The following ADAM28 variants were observed in gnomAD, a reference collection of about 807,000 sequenced individuals.
ADAM28 encodes the protein ADAM metallopeptidase domain 28, also known as disintegrin and metalloproteinase domain-containing protein 28.
ADAM28 carries 105 observed loss-of-function variants against 101.2 expected under a neutral mutation model. The observed-to-expected ratio is 1.04, with a 90% CI of 0.89 to 1.22. The LOEUF is 1.22. Among genes scored for constraint, ADAM28 ranks in the 50% most tolerant of loss-of-function variants. The pLI, the probability that ADAM28 is intolerant of heterozygous loss-of-function variation, is 0.00. For synonymous variants in ADAM28, 322 were observed against 310.6 expected (o/e 1.04, Z -0.39); for missense variants, 1,028 against 945.4 (o/e 1.09, Z -1.15).
At chr8:24,350,047 C>T in intron 19 of ADAM28, 75 bp downstream of exon 19, 1 of 1,258,256 alleles carries the variant, frequency 7.9e-7, no homozygotes, top group Non-Finnish European at 1.1e-6. Flanking sequence ...AATGTATAAC[C>T]TATCCTTTCA....
chr8:24,307,399 C>A (rs1169030935), intron 2 of ADAM28, among the ~76,000 whole-genome samples: 1 of 152,202 alleles, frequency 6.6e-6, no homozygotes, highest in Non-Finnish European at 1.5e-5. Context: ...GTGACGTCAT[C>A]TTTCTGACTT....
chr8:24,330,582 C>T (rs1465934323), intron 11 of ADAM28, among the ~76,000 whole-genome samples: 3 of 152,126 alleles, frequency 2.0e-5, no homozygotes, highest in Non-Finnish European at 2.9e-5. Flanking sequence ...ATATTCATGT[C>T]CTCTTTTCTA....
intron 2 of ADAM28, 36 bp from the exon 3 acceptor site, chr8:24,309,856 GTT>G: frequency 7.2e-7 from 1 of 1,386,826 alleles, no homozygotes; most frequent in South Asian, 1.2e-5. Flanking sequence ...AAATGAATAT[GTT>G]TTTAATTACA....
intron 5 of ADAM28, among the ~76,000 whole-genome samples, chr8:24,311,773 T>C (rs577502190): frequency 1.3e-5 from 2 of 152,258 alleles, no homozygotes; most frequent in East Asian, 3.9e-4. Context: ...GGAGTCTTGC[T>C]CTGTCACCAG....
At chr8:24,296,230 C>T (rs981921869) in intron 1 of ADAM28, 6 of 152,126 alleles carry the variant, frequency 3.9e-5, no homozygotes, top group Admixed American at 2.6e-4. Flanking sequence ...TCTTCCTTGC[C>T]TTTATAAGGT....
At chr8:24,327,073 G>A (rs1184311432) in intron 10 of ADAM28, among the ~76,000 whole-genome samples, 1 of 152,012 alleles carries the variant, frequency 6.6e-6, no homozygotes, top group Non-Finnish European at 1.5e-5. Context: ...AAGAAATAAA[G>A]CGTATTCAAA....
chr8:24,349,415 A>G (rs1404483059), intron 18 of ADAM28, among the ~76,000 whole-genome samples: 2 of 152,136 alleles, frequency 1.3e-5, no homozygotes, highest in African/African-American at 4.8e-5. Flanking sequence ...ACACTCGATT[A>G]TTTGTCTTCT....
At chr8:24,295,514 T>C (rs1218184640) in intron 1 of ADAM28, among the ~76,000 whole-genome samples, 1 of 152,174 alleles carries the variant, frequency 6.6e-6, no homozygotes, top group African/African-American at 2.4e-5. Flanking sequence ...CAAGAGCTTT[T>C]CCAGAACCCC....
chr8:24,359,011 T>G lies in ADAM28; in HGVS notation c.*4607T>G, dbSNP rs1816849299. On this transcript the variant is annotated 3_prime_UTR_variant, in exon 23 of 23. Transcript: ENST00000265769. ...CAAATCACAAATATAAAATACTTATTTAATTTTCTTCTGTAAAAAGATGTA... is the reference window on the plus strand; with the variant it reads ...CAAATCACAAATATAAAATACTTATGTAATTTTCTTCTGTAAAAAGATGTA... 1 of 152,156 alleles carries G rather than the reference T, an allele frequency of 6.6e-6. No homozygotes were observed. The highest frequency in any genetic ancestry group is 2.1e-4 in the South Asian group (1 of 4,822). The allele number at this position is 152,156 out of a possible 1,614,324, so 9.4% of individuals were successfully genotyped here. A position where few individuals can be genotyped will look rare whatever the true frequency, so the allele number is the denominator to read the frequency against.
At chr8:24,329,051 A>G (rs1027930750) in intron 10 of ADAM28, among the ~76,000 whole-genome samples, 12 of 152,060 alleles carry the variant, frequency 7.9e-5, no homozygotes, top group Non-Finnish European at 1.5e-4. Context: ...CATAAACTGA[A>G]AGGAACTTCA....
chr8:24,316,209 C>T (rs1424598341), intron 6 of ADAM28, among the ~76,000 whole-genome samples: 1 of 151,582 alleles, frequency 6.6e-6, no homozygotes, highest in Non-Finnish European at 1.5e-5. Context: ...TTTCCAAAAC[C>T]AAATAAAGTT....
In ADAM28 at chr8:24,341,907, ACACAGAAATGAAAATGG is replaced by A. The variant is rs927826960; in HGVS notation, c.1830+152_1830+168del. The A allele has an allele frequency of 9.8e-6, 9 of 915,450 alleles. No homozygotes were observed. The African/African-American group carries it at 1.4e-4, about 14-fold the overall frequency. The allele number at this position is 915,450 out of a possible 1,614,324, so 56.7% of individuals were successfully genotyped here. ...AGAACCCACAGAGTTTGAATTTGGA[ACACAGAAATGAAAATGG>A]CGCAGAACCTAGTAAATAGCAGGAA... is the stretch of plus-strand genomic sequence containing the variant. On this transcript the variant is annotated intron_variant, in intron 16 of 22. Coordinates refer to ENST00000265769, the MANE Select transcript of ADAM28 (RefSeq NM_014265.6).
chr8:24,343,003 C>T (rs1814971277), intron 16 of ADAM28, 98 bp from the exon 17 acceptor site: 5 of 1,547,506 alleles, frequency 3.2e-6, no homozygotes, highest in Non-Finnish European at 4.4e-6. Flanking sequence ...CTGGCAGAGC[C>T]ACCTTAAACA....
At position 24,339,469 on chromosome 8, in the gene ADAM28, C is replaced by A. The variant is rs1204775107; in HGVS notation, c.1571C>A (p.Thr524Asn). 6.2e-7 allele frequency: 1 copy of A among 1,612,132 alleles called. No individual in the cohort carries two copies. Among genetic ancestry groups the A allele is most frequent in the African/African-American group, 1.3e-5 (1 of 74,852 alleles). Reference sequence around the variant, plus strand: ...TGCTGACTGATCCTGGTCCCAGGAACTGAGGTTGCAGATAAGTCATGTTAC... The same window carrying A: ...TGCTGACTGATCCTGGTCCCAGGAAATGAGGTTGCAGATAAGTCATGTTAC... ...EQCTELWGPG[T>N]EVADKSCYNR... The change falls in exon 15 of 23, where the codon ACT becomes AAT. Residue 524 changes from threonine to asparagine, a missense_variant. Coordinates refer to ENST00000265769, the MANE Select transcript of ADAM28 (RefSeq NM_014265.6).
intron 9 of ADAM28, 27 bp downstream of exon 9, chr8:24,324,030 C>T (rs1812225438): frequency 1.2e-6 from 2 of 1,606,944 alleles, no homozygotes; most frequent in South Asian, 1.1e-5. Flanking sequence ...TCCCATTGCA[C>T]ACTATGTGGT....
intron 6 of ADAM28, among the ~76,000 whole-genome samples, chr8:24,316,769 G>A (rs1188112486): frequency 2.0e-5 from 3 of 151,898 alleles, no homozygotes; most frequent in Non-Finnish European, 4.4e-5. Context: ...AAATGAAGAA[G>A]TAAAATTACC....
rs144567605 is a variant in ADAM28, at chr8:24,337,976, A to C, written c.1568-1490A>C. 4.1e-3 allele frequency among the ~76,000 whole-genome samples: 622 copies of C among 152,380 alleles called. 6 individuals carry two copies. The highest frequency in any genetic ancestry group is 0.014 in the African/African-American group (599 of 41,588). ...ATCTTCTACATTTGCTAATTGGCAA[A>C]AGTTTGCTACAGATGTTAATGTTCA... is the stretch of plus-strand genomic sequence containing the variant. On this transcript the variant is annotated intron_variant, in intron 14 of 22. Transcript: ENST00000265769.
At chr8:24,306,120 G>A (rs1192491033) in intron 2 of ADAM28, among the ~76,000 whole-genome samples, 3 of 151,622 alleles carry the variant, frequency 2.0e-5, no homozygotes, top group Middle Eastern at 3.2e-3. Flanking sequence ...GGTGGATGAC[G>A]AGGTCAGGAG....
chr8:24,331,276 T>A lies in ADAM28; in HGVS notation c.1230T>A (p.Cys410Ter), dbSNP rs1358851921. The A allele has an allele frequency of 6.2e-7, 1 of 1,612,668 alleles. No individual in the cohort carries two copies. Among genetic ancestry groups the A allele is most frequent in the African/African-American group, 1.3e-5 (1 of 74,860 alleles). The change falls in exon 12 of 23, where the codon TGT becomes TGA. Residue 410 changes from cysteine (C) to a stop codon, truncating the protein, a stop_gained. Coordinates refer to ENST00000265769, the MANE Select transcript of ADAM28 (RefSeq NM_014265.6). LOFTEE classifies it high-confidence loss of function. ...CAGATATCATATCCACTCCAATTTG[T>A]GGGAACCAGTTGGTGGAAATGGGAG... ...LPTDIISTPI[C>*]GNQLVEMGED...
Sources: gnomAD v4.1 joint callset for allele counts (sites outside exome capture counted in the v4.1 genomes callset) on GRCh38, gnomAD v4.1.1 for gene constraint, MANE v1.5 for transcripts, NCBI Gene and HGNC (gene_info 2026-07-23, HGNC 2026-07-21) for gene names.